The following SP4 variants were observed in gnomAD, a reference collection of about 807,000 sequenced individuals.
SP4 encodes the protein transcription factor Sp4.
SP4 carries 19 observed loss-of-function variants against 72.8 expected under a neutral mutation model. The ratio of observed to expected loss-of-function variants is 0.26; its 90% CI spans 0.18 to 0.38. SP4 has a LOEUF of 0.38. Ranked by LOEUF, SP4 falls within the 10% of genes least tolerant of loss-of-function variation. The pLI, the probability that SP4 is intolerant of heterozygous loss-of-function variation, is 1.00. For missense variants in SP4, 1,008 were observed against 926.3 expected (o/e 1.09, Z -1.14); for synonymous variants, 395 against 333.1 (o/e 1.19, Z -2.02).
intron 3 of SP4, among the ~76,000 whole-genome samples, chr7:21,448,092 G>A (rs1783482265): frequency 6.6e-6 from 1 of 152,116 alleles, no homozygotes; most frequent in Non-Finnish European, 1.5e-5. Flanking sequence ...ATAAAATACA[G>A]GAATTTAAAA....
chr7:21,434,524 T>C (rs1171726282), intron 3 of SP4, among the ~76,000 whole-genome samples: 1 of 152,236 alleles, frequency 6.6e-6, no homozygotes, highest in African/African-American at 2.4e-5. Flanking sequence ...GTTAGAATTG[T>C]AGTAGGAACT....
intron 4 of SP4, 38 bp from the exon 5 acceptor site, chr7:21,481,886 T>C (rs1179193352): frequency 1.6e-5 from 22 of 1,366,318 alleles, no homozygotes; most frequent in Non-Finnish European, 2.2e-5. Context: ...ACCTACTATT[T>C]GGCAGTGTAA....
chr7:21,501,420 C>T (rs1017690126), intron 5 of SP4, among the ~76,000 whole-genome samples: 6 of 152,178 alleles, frequency 3.9e-5, no homozygotes, highest in African/African-American at 1.2e-4. Context: ...CTCTAGAAGT[C>T]TTTTACTTTC....
At chr7:21,431,723 T>C (rs1782861595) in intron 3 of SP4, among the ~76,000 whole-genome samples, 1 of 152,232 alleles carries the variant, frequency 6.6e-6, no homozygotes, top group East Asian at 1.9e-4. Context: ...ACTTTTGTTT[T>C]CTAGTAATTA....
chr7:21,491,901 A>AG (rs59770874), intron 5 of SP4, among the ~76,000 whole-genome samples: 1 of 151,840 alleles, frequency 6.6e-6, no homozygotes, highest in Non-Finnish European at 1.5e-5. Flanking sequence ...GGTAAAATTA[A>AG]TTATACCAGA....
chr7:21,442,190 C>T (rs1292775377), intron 3 of SP4, among the ~76,000 whole-genome samples: 3 of 151,870 alleles, frequency 2.0e-5, no homozygotes, highest in African/African-American at 7.3e-5. Context: ...AGGCACCCGC[C>T]ACCACGCCCA....
intron 5 of SP4, among the ~76,000 whole-genome samples, chr7:21,483,708 T>C (rs1352811888): frequency 3.3e-5 from 5 of 151,896 alleles, no homozygotes; most frequent in African/African-American, 1.2e-4. Flanking sequence ...TGCCAGTTCC[T>C]ACACCAATGC....
chr7:21,478,827 C>T (rs377728736), intron 4 of SP4, among the ~76,000 whole-genome samples: 7 of 152,006 alleles, frequency 4.6e-5, no homozygotes, highest in Non-Finnish European at 1.0e-4. Context: ...CCCAGCACTT[C>T]GGGAGGCCAA....
At chr7:21,488,104 A>G (rs890803915) in intron 5 of SP4, among the ~76,000 whole-genome samples, 3 of 152,020 alleles carry the variant, frequency 2.0e-5, no homozygotes, top group East Asian at 1.9e-4. Context: ...AGCTCAAGCA[A>G]TCCATCCTCC....
Position 21,477,417 on chromosome 7 carries a change from CTAGAAGTTGA to C in SP4, c.1907+113_1907+122del, listed in dbSNP as rs2128409615. 6 of 681,532 alleles carry C rather than the reference CTAGAAGTTGA, an allele frequency of 8.8e-6. No homozygotes were observed. The East Asian group carries it at 1.6e-4, about 18-fold the overall frequency. The allele number at this position is 681,532 out of a possible 1,614,324, so 42.2% of individuals were successfully genotyped here. The stretch of plus-strand genomic sequence containing the variant: ...ACTAGAACTTCATTACCTTTGTAGC[CTAGAAGTTGA>C]TATATAATATTAGAAAGGGAATTAA... On this transcript the variant is annotated intron_variant, in intron 4 of 5. Coordinates refer to ENST00000222584, the MANE Select transcript of SP4 (RefSeq NM_003112.5).
intron 3 of SP4, among the ~76,000 whole-genome samples, chr7:21,464,517 A>G (rs141342362): frequency 6.6e-6 from 1 of 151,938 alleles, no homozygotes; most frequent in African/African-American, 2.4e-5. Flanking sequence ...GAGTTTTCCT[A>G]AAACTGAGAT....
chr7:21,476,160 G>A (rs1740417508), intron 3 of SP4, among the ~76,000 whole-genome samples: 1 of 151,080 alleles, frequency 6.6e-6, no homozygotes, highest in Admixed American at 6.6e-5. Flanking sequence ...TGTCATCCCA[G>A]CTACTAGGGA....
At chr7:21,465,646 C>T (rs181355236) in intron 3 of SP4, among the ~76,000 whole-genome samples, 1 of 152,268 alleles carries the variant, frequency 6.6e-6, no homozygotes, top group Admixed American at 6.5e-5. Flanking sequence ...CTCTCTCCTA[C>T]CCTAGAAAGT....
chr7:21,477,502 T>C (rs1368382930), intron 4 of SP4, among the ~76,000 whole-genome samples, 195 bp downstream of exon 4: 1 of 152,200 alleles, frequency 6.6e-6, no homozygotes, highest in Non-Finnish European at 1.5e-5. Context: ...CCTTGTTCCT[T>C]ACACTTTTAA....
intron 3 of SP4, among the ~76,000 whole-genome samples, chr7:21,439,376 A>G (rs1705636512): frequency 6.6e-6 from 1 of 152,128 alleles, no homozygotes; most frequent in African/African-American, 2.4e-5. Context: ...GGGTGCAAGT[A>G]CAATTTTGTT....
At chr7:21,460,553 G>A (rs191724168) in intron 3 of SP4, among the ~76,000 whole-genome samples, 9 of 152,184 alleles carry the variant, frequency 5.9e-5, no homozygotes, top group African/African-American at 2.2e-4. Flanking sequence ...AAGGGGACCC[G>A]AGCGGGTTGC....
chr7:21,468,085 C>T (rs572429221), intron 3 of SP4, among the ~76,000 whole-genome samples: 13 of 152,152 alleles, frequency 8.5e-5, no homozygotes, highest in African/African-American at 3.1e-4. Context: ...CCTTGCAAAT[C>T]GTCTTTTCCA....
intron 3 of SP4, among the ~76,000 whole-genome samples, chr7:21,444,216 C>T (rs1783350145): frequency 6.6e-6 from 1 of 152,190 alleles, no homozygotes. Context: ...GATTGAATAA[C>T]ATGGGACTGA....
In SP4 at chr7:21,511,058, G is replaced by C; in HGVS notation, c.2144G>C (p.Arg715Thr). 1 of 1,613,898 alleles carries C rather than the reference G, an allele frequency of 6.2e-7. No individual in the cohort carries two copies. Among genetic ancestry groups the C allele is most frequent in the Non-Finnish European group, 8.5e-7 (1 of 1,179,850 alleles). Residue 715 changes from arginine to threonine, a missense_variant, in exon 6 of 6, where the codon AGG (arginine) becomes ACG (threonine). Coordinates refer to ENST00000222584, the MANE Select transcript of SP4 (RefSeq NM_003112.5). The part of the protein sequence containing the change: ...KRFECPECSK[R>T]FMRSDHLSKH... ...TTTGAATGCCCGGAATGTTCTAAAAGGTTTATGCGGAGTGATCATCTCTCC... is the reference window on the plus strand; with the variant it reads ...TTTGAATGCCCGGAATGTTCTAAAACGTTTATGCGGAGTGATCATCTCTCC...
Sources: allele counts gnomAD v4.1 joint callset (sites outside exome capture counted in the v4.1 genomes callset), GRCh38; gene constraint gnomAD v4.1.1; transcripts MANE v1.5; gene names NCBI Gene and HGNC (gene_info 2026-07-23, HGNC 2026-07-21).